The following RAPGEF4 variants were observed in gnomAD, a reference collection of about 807,000 sequenced individuals.
The protein encoded by RAPGEF4 is RAP guanine-nucleotide-exchange factor (GEF) 4.
Under a neutral mutation model 147.9 loss-of-function variants are expected in RAPGEF4, and 66 were observed. The ratio of observed to expected loss-of-function variants is 0.45; its 90% CI spans 0.37 to 0.55. RAPGEF4 has a LOEUF of 0.55. RAPGEF4 is among the 20% of genes least tolerant of loss of function. The probability of loss-of-function intolerance (pLI) is 0.00; values close to 1 mark genes in which losing one functional copy is unlikely to be tolerated. For missense variants in RAPGEF4, 1,071 were observed against 1,257.3 expected (o/e 0.85, Z 2.24); for synonymous variants, 419 against 442.7 (o/e 0.95, Z 0.67).
chr2:172,817,614 G>A (rs7595105), intron 4 of RAPGEF4, among the ~76,000 whole-genome samples: 49,797 of 151,682 alleles, frequency 0.33, 8,257 homozygotes, highest in East Asian at 0.47. Context: ...AACAGTAAGA[G>A]TGCAGAAAGA....
At chr2:172,925,213 T>C (rs1685162849) in intron 6 of RAPGEF4, among the ~76,000 whole-genome samples, 1 of 152,202 alleles carries the variant, frequency 6.6e-6, no homozygotes, top group Non-Finnish European at 1.5e-5. Flanking sequence ...TCTCCTGACC[T>C]CATGATCCGC....
chr2:173,001,671 A>G (rs1376017517), intron 17 of RAPGEF4, among the ~76,000 whole-genome samples: 1 of 152,128 alleles, frequency 6.6e-6, no homozygotes, highest in African/African-American at 2.4e-5. Context: ...CAGTTCTGCT[A>G]GGAAGTATCG....
chr2:172,924,384 C>T (rs1002285251), intron 6 of RAPGEF4, among the ~76,000 whole-genome samples: 6 of 152,168 alleles, frequency 3.9e-5, no homozygotes, highest in Non-Finnish European at 5.9e-5. Context: ...ACAATGAGCT[C>T]GTCAGATACA....
intron 4 of RAPGEF4, among the ~76,000 whole-genome samples, chr2:172,890,641 T>C (rs1254296629): frequency 6.6e-6 from 1 of 152,184 alleles, no homozygotes. Flanking sequence ...CCTAGCATCT[T>C]CAAACCTAGA....
chr2:172,778,399 T>C (rs1054708520), intron 1 of RAPGEF4, among the ~76,000 whole-genome samples: 2 of 152,160 alleles, frequency 1.3e-5, no homozygotes, highest in African/African-American at 4.8e-5. Context: ...CATACCCACT[T>C]TTCTATTTCT....
intron 1 of RAPGEF4, among the ~76,000 whole-genome samples, chr2:172,767,912 G>A (rs1315531691): frequency 2.6e-5 from 4 of 152,038 alleles, no homozygotes; most frequent in South Asian, 2.1e-4. Flanking sequence ...GCACAATCTC[G>A]GCTGACTGCA....
At chr2:172,973,706 GTGTGATCAGATT>G (rs993730672) in intron 10 of RAPGEF4, among the ~76,000 whole-genome samples, 1 of 152,324 alleles carries the variant, frequency 6.6e-6, no homozygotes, top group South Asian at 2.1e-4. Flanking sequence ...GAGAGGTGTG[GTGTGATCAGATT>G]TGTAGTAGGT....
intron 14 of RAPGEF4, among the ~76,000 whole-genome samples, chr2:172,990,330 A>G (rs533821954): frequency 6.6e-6 from 1 of 152,232 alleles, no homozygotes; most frequent in South Asian, 2.1e-4. Context: ...ATAACCAAAA[A>G]TAGTTTTTAA....
At chr2:172,802,300 G>A (rs6728322) in intron 3 of RAPGEF4, among the ~76,000 whole-genome samples, 148,138 of 152,304 alleles carry the variant, frequency 0.97, 72,177 homozygotes, top group East Asian at 1. Flanking sequence ...CAAAAGAAAT[G>A]AGTTTATTGG....
At chr2:173,015,030 A>T (rs888267040) in intron 18 of RAPGEF4, among the ~76,000 whole-genome samples, 1 of 152,206 alleles carries the variant, frequency 6.6e-6, no homozygotes, top group Non-Finnish European at 1.5e-5. Flanking sequence ...AGATATATTT[A>T]TGTGTTCCCT....
chr2:173,015,094 C>T (rs567107445), intron 18 of RAPGEF4, among the ~76,000 whole-genome samples: 20 of 152,148 alleles, frequency 1.3e-4, no homozygotes, highest in South Asian at 6.2e-4. Context: ...AATAGTAGTA[C>T]GGTAAAAAGT....
intron 4 of RAPGEF4, among the ~76,000 whole-genome samples, chr2:172,882,259 T>C (rs2149858774): frequency 6.6e-6 from 1 of 152,310 alleles, no homozygotes; most frequent in East Asian, 1.9e-4. Flanking sequence ...TACTTCCTCC[T>C]CTCTTTAGAC....
chr2:172,754,096 A>G (rs752537922), intron 1 of RAPGEF4, among the ~76,000 whole-genome samples: 2 of 152,212 alleles, frequency 1.3e-5, no homozygotes, highest in Non-Finnish European at 2.9e-5. Flanking sequence ...ATTTTTTGCT[A>G]TAAACTCTAT....
chr2:173,034,774 G>A (rs567213812), intron 27 of RAPGEF4, among the ~76,000 whole-genome samples: 27 of 151,752 alleles, frequency 1.8e-4, no homozygotes, highest in African/African-American at 5.8e-4. Context: ...CTCAGGAGGC[G>A]GAGATGGGAA....
chr2:172,763,283 C>G (rs368538079), intron 1 of RAPGEF4, among the ~76,000 whole-genome samples: 44 of 152,268 alleles, frequency 2.9e-4, no homozygotes, highest in African/African-American at 1.1e-3. Flanking sequence ...TTTTATAAAG[C>G]CTTTGTGTGT....
At chr2:172,740,897 G>A (rs1002459760) in intron 1 of RAPGEF4, among the ~76,000 whole-genome samples, 1 of 152,204 alleles carries the variant, frequency 6.6e-6, no homozygotes, top group African/African-American at 2.4e-5. Context: ...TTGACAATAA[G>A]ATCTGTCACA....
intron 1 of RAPGEF4, among the ~76,000 whole-genome samples, chr2:172,774,504 G>A (rs1683966190): frequency 6.6e-6 from 1 of 152,130 alleles, no homozygotes; most frequent in South Asian, 2.1e-4. Flanking sequence ...TTGCTGTCTG[G>A]AAACATTTTA....
rs538100769 is a variant in RAPGEF4 at position 172,842,624 on chromosome 2, A to G, written c.444+28199A>G. On this transcript the variant is annotated intron_variant, in intron 4 of 30. Coordinates refer to ENST00000397081, the MANE Select transcript of RAPGEF4 (RefSeq NM_007023.4). ...TGGCTGTTGACCAGAGCACCTACAT[A>G]TGGCTGTTCCATGTGACTGCCTGGC... Among the ~76,000 whole-genome samples the G allele has an allele frequency of 5.9e-5, 9 of 152,304 alleles. No homozygotes were observed. The South Asian group carries it at 1.9e-3, about 32-fold the overall frequency.
chr2:172,960,906 C>T (rs1177409975), intron 7 of RAPGEF4, 93 bp downstream of exon 7: 2 of 1,078,960 alleles, frequency 1.9e-6, no homozygotes, highest in African/African-American at 3.2e-5. Flanking sequence ...CATCAGGAAG[C>T]CTCTGATACA....
Sources: gnomAD v4.1 joint callset for allele counts (sites outside exome capture counted in the v4.1 genomes callset) on GRCh38, gnomAD v4.1.1 for gene constraint, MANE v1.5 for transcripts, NCBI Gene and HGNC (gene_info 2026-07-23, HGNC 2026-07-21) for gene names.